The following CCDC180 variants were observed in gnomAD, a reference collection of about 807,000 sequenced individuals.
CCDC180 encodes coiled-coil domain containing 180, also known as coiled-coil domain-containing protein 180.
Under a neutral mutation model 209.2 loss-of-function variants are expected in CCDC180, and 154 were observed. The observed-to-expected ratio is 0.74, with a 90% CI of 0.65 to 0.84. The LOEUF is 0.84. CCDC180 is among the 40% of genes least tolerant of loss of function. The probability of loss-of-function intolerance (pLI) is 0.00; values close to 1 mark genes in which losing one functional copy is unlikely to be tolerated. For synonymous variants in CCDC180, 778 were observed against 749.1 expected (o/e 1.04, Z -0.63); for missense variants, 1,874 against 1,997.3 (o/e 0.94, Z 1.18).
At position 97,314,953 on chromosome 9, in the gene CCDC180, GGTTTTCCTGTGC is replaced by G. The variant is rs1308331361; in HGVS notation, c.795+8_795+19del. The G allele has an allele frequency of 3.7e-6, 6 of 1,611,324 alleles. No individual in the cohort carries two copies. In the Admixed American group the frequency reaches 1.0e-4, roughly 27 times the overall value. On this transcript the variant is annotated splice_region_variant and intron_variant, in intron 8 of 36. Coordinates refer to ENST00000529487, the MANE Select transcript of CCDC180 (RefSeq NM_020893.6). ...GATAAATGAAGAAGCCATGGTGAGT[GGTTTTCCTGTGC>G]AGGGATCAGCCCATGGGAGAAGGGG...
chr9:97,307,630 A>G (rs955278555), upstream of CCDC180: 35 of 1,069,064 alleles, frequency 3.3e-5, no homozygotes, highest in Non-Finnish European at 4.4e-5. Context: ...TCTGCGCCGC[A>G]TTAGAGTTCC....
intron 3 of CCDC180, 74 bp downstream of exon 3, chr9:97,309,678 C>A: frequency 8.0e-7 from 1 of 1,256,666 alleles, no homozygotes; most frequent in Non-Finnish European, 1.1e-6. Context: ...AAAGAGCCAG[C>A]ACAAGATGAG....
At position 97,328,125 on chromosome 9, in the gene CCDC180, T is replaced by A. The variant is rs765745958; in HGVS notation, c.1767T>A (p.Phe589Leu). Residue 589 changes from phenylalanine (F) to leucine (L), a missense_variant, in exon 16 of 37, where the codon TTT becomes TTA. Phe to Leu is a conservative substitution (Grantham distance 22). Transcript: ENST00000529487. The part of the protein sequence containing the change: ...SYSSALSQYF[F>L]VREIFEQNLA... ...GCTCTGCCCTCAGCCAATACTTCTT[T>A]GTGCGTGAAATCTTTGAACAGGTAT... 1.2e-6 allele frequency: 2 copies of A among 1,614,040 alleles called. No homozygotes were observed. The highest frequency in any genetic ancestry group is 2.2e-5 in the South Asian group (2 of 91,056).
intron 16 of CCDC180, 52 bp from the exon 17 acceptor site, chr9:97,330,102 T>G: frequency 2.2e-5 from 21 of 953,958 alleles, no homozygotes; most frequent in Non-Finnish European, 3.5e-5. Context: ...TGGGGGGCAC[T>G]CTGAAGAAAG....
intron 8 of CCDC180, among the ~76,000 whole-genome samples, chr9:97,316,504 T>A (rs1419537815): frequency 1.3e-5 from 2 of 152,188 alleles, no homozygotes; most frequent in Admixed American, 6.5e-5. Context: ...GGGAAGTTAC[T>A]CTCATCTAAG....
intron 12 of CCDC180, among the ~76,000 whole-genome samples, chr9:97,323,380 AC>A (rs1374037667): frequency 6.6e-6 from 1 of 152,076 alleles, no homozygotes; most frequent in African/African-American, 2.4e-5. Context: ...TTTCCCCTGC[AC>A]CCTGCCCACT....
chr9:97,354,423 T>C, intron 22 of CCDC180, 146 bp from the exon 23 acceptor site: 3 of 779,526 alleles, frequency 3.8e-6, no homozygotes, highest in Non-Finnish European at 6.2e-6. Flanking sequence ...CCTACTCCTG[T>C]CCTTAAGCTA....
chr9:97,318,826 G>A (rs1051475595), intron 10 of CCDC180, among the ~76,000 whole-genome samples: 2 of 152,222 alleles, frequency 1.3e-5, no homozygotes, highest in Non-Finnish European at 2.9e-5. Flanking sequence ...ATGAACGGGG[G>A]TGAGGAAGGA....
chr9:97,343,402 C>G lies in CCDC180; in HGVS notation c.2337C>G (p.Ile779Met), dbSNP rs760477777. The G allele has an allele frequency of 1.9e-6, 3 of 1,613,832 alleles. No homozygotes were observed. Among genetic ancestry groups the G allele is most frequent in the African/African-American group, 1.3e-5 (1 of 75,024 alleles). ...ATGAGGACATGGAGTCCTTCACAAT[C>G]TCCAGTGGAAACACTTATTTTGTCT... The part of the protein sequence containing the change: ...IYYEDMESFT[I>M]SSGNTYFVFV... The change falls in exon 19 of 37, where the codon ATC becomes ATG. Residue 779 changes from isoleucine to methionine, a missense_variant. Ile to Met is a conservative substitution (Grantham distance 10). Transcript: ENST00000529487.
chr9:97,367,466 A>ATT (rs3052476), intron 31 of CCDC180, among the ~76,000 whole-genome samples: 28,275 of 128,126 alleles, frequency 0.22, 3,136 homozygotes, highest in East Asian at 0.4. Context: ...TCAGTTTTCT[A>ATT]TTTTTTTTTT....
chr9:97,354,537 T>C (rs781289439), intron 22 of CCDC180, 32 bp from the exon 23 acceptor site: 1 of 1,612,462 alleles, frequency 6.2e-7, no homozygotes, highest in Non-Finnish European at 8.5e-7. Context: ...AGGTCTGATC[T>C]GTGGCTTTTA....
intron 17 of CCDC180, 47 bp downstream of exon 17, chr9:97,330,240 AC>A: frequency 1.9e-6 from 3 of 1,611,320 alleles, no homozygotes; most frequent in East Asian, 2.2e-5. Flanking sequence ...CTTCACTCTT[AC>A]GCGTTTGTGG....
chr9:97,370,922 G>T, intron 33 of CCDC180, 144 bp downstream of exon 33: 1 of 569,216 alleles, frequency 1.8e-6, no homozygotes. Flanking sequence ...GGTAAAAATG[G>T]CCATTATTGG....
At chr9:97,363,482 T>G in intron 28 of CCDC180, 1 of 421,334 alleles carries the variant, frequency 2.4e-6, no homozygotes, top group Non-Finnish European at 5.2e-6. Context: ...CCATGACCTG[T>G]TTACATGTTC....
At position 97,370,796 on chromosome 9, in the gene CCDC180, T is replaced by C; in HGVS notation, c.4488+18T>C. ...AGCTGGAGGTCAGTGATACCATTGA[T>C]TCGCCAGTCCAGGCATGCTCCAAAT... On this transcript the variant is annotated intron_variant, in intron 33 of 36. Transcript: ENST00000529487. 2 of 1,613,080 alleles carry C rather than the reference T, an allele frequency of 1.2e-6. No individual in the cohort carries two copies. The highest frequency in any genetic ancestry group is 1.7e-6 in the Non-Finnish European group (2 of 1,179,572).
At chr9:97,326,376 C>T (rs1419952419) in intron 14 of CCDC180, among the ~76,000 whole-genome samples, 178 bp from the exon 15 acceptor site, 1 of 152,086 alleles carries the variant, frequency 6.6e-6, no homozygotes, top group African/African-American at 2.4e-5. Flanking sequence ...GTCTGGAGGG[C>T]TATAGTGGAG....
At position 97,366,465 on chromosome 9, in the gene CCDC180, G is replaced by A; in HGVS notation, c.4048-94G>A. On this transcript the variant is annotated intron_variant, in intron 30 of 36. Transcript: ENST00000529487. The surrounding 1 kb of genome is among the most constrained non-coding windows in gnomAD (Gnocchi z 4.3). Reference sequence around the variant, plus strand: ...AGGGGATGCCACGAGCAAAGGCTAGGGAGTGTGGAGGTGAGGGCAGGCTGG... The same window carrying A: ...AGGGGATGCCACGAGCAAAGGCTAGAGAGTGTGGAGGTGAGGGCAGGCTGG... 1.6e-6 allele frequency: 2 copies of A among 1,286,340 alleles called. No individual in the cohort carries two copies. Among genetic ancestry groups the A allele is most frequent in the Non-Finnish European group, 2.2e-6 (2 of 915,440 alleles). 79.7% of individuals were successfully genotyped at this position (1,286,340 alleles called of 1,614,324 possible). A position where few individuals can be genotyped will look rare whatever the true frequency, so the allele number is the denominator to read the frequency against.
rs1408255069 is a variant in CCDC180, at chr9:97,326,414, C to T, written c.1546-140C>T. The T allele has an allele frequency of 4.6e-6, 3 of 654,338 alleles. No homozygotes were observed. The East Asian group carries it at 7.6e-5, about 17-fold the overall frequency. 40.5% of individuals were successfully genotyped at this position (654,338 alleles called of 1,614,324 possible). A position where few individuals can be genotyped will look rare whatever the true frequency, so the allele number is the denominator to read the frequency against. ...AGGGAGGGTGGTGGCAGATTGGGTA[C>T]CCCATTTGTAGAAAGGAAGTCCTGG... On this transcript the variant is annotated intron_variant, in intron 14 of 36. Transcript: ENST00000529487.
chr9:97,316,004 C>A (rs562502085), intron 8 of CCDC180, among the ~76,000 whole-genome samples: 1 of 152,176 alleles, frequency 6.6e-6, no homozygotes, highest in Non-Finnish European at 1.5e-5. Flanking sequence ...CATCGTAAGT[C>A]GGGGACTGCC....
Sources: allele counts gnomAD v4.1 joint callset (sites outside exome capture counted in the v4.1 genomes callset), GRCh38; gene constraint gnomAD v4.1.1; non-coding constraint Gnocchi (gnomAD v3.1); transcripts MANE v1.5; gene names NCBI Gene and HGNC (gene_info 2026-07-23, HGNC 2026-07-21).